Variants in ADAMTSL1 observed in about 807,000 individuals in gnomAD.
ADAMTSL1 encodes ADAMTS like 1, also known as ADAMTS-like protein 1.
ADAMTSL1 carries 126 observed loss-of-function variants against 201.8 expected under a neutral mutation model. That is an observed-to-expected ratio of 0.62 (90% CI 0.54 to 0.72). ADAMTSL1 has a LOEUF of 0.72. ADAMTSL1 is among the 30% of genes least tolerant of loss of function. The pLI is 0.00. For synonymous variants in ADAMTSL1, 1,121 were observed against 903.4 expected (o/e 1.24, Z -4.32); for missense variants, 2,679 against 2,277.8 (o/e 1.18, Z -3.59).
chr9:18,075,252 G>A (rs1368260648), intron 1 of ADAMTSL1, among the ~76,000 whole-genome samples: 1 of 152,074 alleles, frequency 6.6e-6, no homozygotes, highest in Non-Finnish European at 1.5e-5. Flanking sequence ...TACAATAATG[G>A]TTATTAAATT....
intron 15 of ADAMTSL1, among the ~76,000 whole-genome samples, chr9:18,746,426 T>G (rs1368427059): frequency 6.6e-6 from 1 of 152,136 alleles, no homozygotes; most frequent in East Asian, 1.9e-4. Flanking sequence ...ACAAATATCT[T>G]TGGAAGACAA....
At chr9:18,815,841 A>G (rs995666553) in intron 20 of ADAMTSL1, among the ~76,000 whole-genome samples, 6 of 151,316 alleles carry the variant, frequency 4.0e-5, no homozygotes, top group Non-Finnish European at 7.4e-5. Flanking sequence ...TTTTCTTTTT[A>G]TGGATCATGC....
At chr9:18,007,148 G>C in intron 1 of ADAMTSL1, among the ~76,000 whole-genome samples, 1 of 152,028 alleles carries the variant, frequency 6.6e-6, no homozygotes, top group Non-Finnish European at 1.5e-5. Flanking sequence ...ACAATAGAGT[G>C]TTGTTAACAC....
At chr9:18,605,416 T>C (rs1190774794) in intron 4 of ADAMTSL1, among the ~76,000 whole-genome samples, 6 of 152,200 alleles carry the variant, frequency 3.9e-5, no homozygotes, top group Non-Finnish European at 7.3e-5. Context: ...ACAGTTCTAA[T>C]CCCAATTGCA....
chr9:18,559,006 G>GT lies in ADAMTSL1; in HGVS notation c.238-15021dup, dbSNP rs557092062. On this transcript the variant is annotated intron_variant, in intron 3 of 28. Coordinates refer to ENST00000380548, the MANE Select transcript of ADAMTSL1 (RefSeq NM_001040272.6). ...TATTTTGCTGTGCAGAAGCTCTTTA[G>GT]TTTAATTAGATCCCATTTGTCAATT... 1.9e-4 allele frequency among the ~76,000 whole-genome samples: 29 copies of GT among 152,244 alleles called. 1 individual carries two copies. The South Asian group carries it at 5.8e-3, about 30-fold the overall frequency.
chr9:18,209,650 T>A (rs1252663953), intron 2 of ADAMTSL1, among the ~76,000 whole-genome samples: 1 of 152,208 alleles, frequency 6.6e-6, no homozygotes, highest in East Asian at 1.9e-4. Flanking sequence ...AAATGCAAGT[T>A]TTAGCCTTGC....
chr9:18,096,899 T>A, intron 1 of ADAMTSL1, among the ~76,000 whole-genome samples: 1 of 152,216 alleles, frequency 6.6e-6, no homozygotes, highest in Admixed American at 6.5e-5. Flanking sequence ...CCTTTTTTTG[T>A]CATCTTCTCT....
intron 14 of ADAMTSL1, among the ~76,000 whole-genome samples, chr9:18,717,230 T>TATA (rs71494984): frequency 1.9e-3 from 277 of 144,448 alleles, no homozygotes; most frequent in African/African-American, 3.0e-3. Context: ...AAACTTAAAG[T>TATA]ATAATAATAA....
intron 1 of ADAMTSL1, among the ~76,000 whole-genome samples, chr9:18,004,992 A>G (rs1819754461): frequency 1.3e-5 from 2 of 152,124 alleles, no homozygotes; most frequent in African/African-American, 4.8e-5. Context: ...ATATATAATG[A>G]CAAGTAAGAG....
chr9:18,731,118 A>G (rs1818193198), intron 15 of ADAMTSL1, among the ~76,000 whole-genome samples: 1 of 152,230 alleles, frequency 6.6e-6, no homozygotes, highest in African/African-American at 2.4e-5. Flanking sequence ...ATTTTTAAGA[A>G]TTGGGGAATT....
At chr9:18,564,937 C>T (rs1398323328) in intron 3 of ADAMTSL1, among the ~76,000 whole-genome samples, 1 of 152,164 alleles carries the variant, frequency 6.6e-6, no homozygotes, top group East Asian at 1.9e-4. Flanking sequence ...CTCTAGGGAA[C>T]TGGATTCCAA....
chr9:18,740,565 C>G (rs1818772121), intron 15 of ADAMTSL1, among the ~76,000 whole-genome samples: 1 of 151,162 alleles, frequency 6.6e-6, no homozygotes, highest in Non-Finnish European at 1.5e-5. Flanking sequence ...CAGCCTCCAC[C>G]TCCCCGGTTC....
At chr9:18,031,699 T>C (rs1388321898) in intron 1 of ADAMTSL1, among the ~76,000 whole-genome samples, 1 of 152,220 alleles carries the variant, frequency 6.6e-6, no homozygotes, top group Non-Finnish European at 1.5e-5. Flanking sequence ...ATCGTTGGCA[T>C]TGTTCCTGCA....
At chr9:17,916,695 C>A (rs1826108205) in intron 1 of ADAMTSL1, among the ~76,000 whole-genome samples, 1 of 152,142 alleles carries the variant, frequency 6.6e-6, no homozygotes, top group Non-Finnish European at 1.5e-5. Flanking sequence ...TAGTAGCACA[C>A]TTTGAGTGGT....
chr9:18,697,884 G>A (rs2133283764), intron 13 of ADAMTSL1, among the ~76,000 whole-genome samples: 1 of 152,276 alleles, frequency 6.6e-6, no homozygotes, highest in Non-Finnish European at 1.5e-5. Context: ...GATTGAAGCT[G>A]CCTTTGAAAC....
intron 2 of ADAMTSL1, among the ~76,000 whole-genome samples, chr9:18,393,302 T>C (rs1423823685): frequency 1.3e-5 from 2 of 152,210 alleles, no homozygotes; most frequent in Non-Finnish European, 2.9e-5. Flanking sequence ...TTCCACTTAA[T>C]TGCCTGTGAA....
intron 1 of ADAMTSL1, among the ~76,000 whole-genome samples, chr9:18,151,326 G>T (rs2383064): frequency 0.15 from 22,511 of 151,968 alleles, 1,917 homozygotes; most frequent in East Asian, 0.24. Context: ...TATAGAGGAT[G>T]TGGGAAGTAA....
At chr9:18,906,343 C>G (rs181614150) in intron 27 of ADAMTSL1, among the ~76,000 whole-genome samples, 3 of 152,094 alleles carry the variant, frequency 2.0e-5, no homozygotes, top group Admixed American at 2.0e-4. Flanking sequence ...ATGACACTTC[C>G]TTATAGATGT....
chr9:18,360,275 T>G (rs1462205014), intron 2 of ADAMTSL1, among the ~76,000 whole-genome samples: 1 of 152,058 alleles, frequency 6.6e-6, no homozygotes, highest in Non-Finnish European at 1.5e-5. Context: ...AATAGTAACT[T>G]GAAGACACAT....
Sources: gnomAD v4.1 joint callset for allele counts (sites outside exome capture counted in the v4.1 genomes callset) on GRCh38, gnomAD v4.1.1 for gene constraint, MANE v1.5 for transcripts, NCBI Gene and HGNC (gene_info 2026-07-23, HGNC 2026-07-21) for gene names.